The following RFTN2 variants were observed in gnomAD, a reference collection of about 807,000 sequenced individuals.
The protein encoded by RFTN2 is raftlin-2.
A neutral mutation model predicts 52.7 loss-of-function variants in RFTN2; 34 were observed. The ratio of observed to expected loss-of-function variants is 0.64; its 90% CI spans 0.49 to 0.86. The LOEUF (loss-of-function observed/expected upper bound fraction) is 0.86. Ranked by LOEUF, RFTN2 falls within the 40% of genes least tolerant of loss-of-function variation. RFTN2 has a pLI of 0.00. For synonymous variants in RFTN2, 203 were observed against 217.7 expected (o/e 0.93, Z 0.59); for missense variants, 536 against 600.1 (o/e 0.89, Z 1.12).
chr2:197,605,205 A>C (rs1182611846), intron 7 of RFTN2, among the ~76,000 whole-genome samples: 1 of 151,830 alleles, frequency 6.6e-6, no homozygotes, highest in Non-Finnish European at 1.5e-5. Context: ...TTTTGGAAAA[A>C]TCAGTCTTGA....
intron 8 of RFTN2, among the ~76,000 whole-genome samples, chr2:197,592,541 C>T (rs1210923816): frequency 6.6e-6 from 1 of 152,128 alleles, no homozygotes; most frequent in Non-Finnish European, 1.5e-5. Context: ...TTTCTATCAG[C>T]CCATGAAATC....
In RFTN2 at chr2:197,618,971, C is replaced by T. The variant is rs1422794642; in HGVS notation, c.929-1050G>A. On this transcript the variant is annotated intron_variant, in intron 5 of 8. Transcript: ENST00000295049. The stretch of plus-strand genomic sequence containing the variant: ...GAGGGAGGTGGGGGGGTCAGCCCCC[C>T]GCCCGGCCAGCCGCCCCATCCGGGA... Among the ~76,000 whole-genome samples, 46 of 151,484 alleles carry T rather than the reference C, an allele frequency of 3.0e-4. 1 individual carries two copies. The highest frequency in any genetic ancestry group is 7.3e-4 in the African/African-American group (30 of 41,290).
chr2:197,633,116 A>T (rs1164570869), intron 4 of RFTN2, among the ~76,000 whole-genome samples: 2 of 152,188 alleles, frequency 1.3e-5, no homozygotes, highest in Non-Finnish European at 2.9e-5. Flanking sequence ...GAAAACTTTG[A>T]ATGGTCCCAA....
Position 197,610,452 on chromosome 2 carries a change from A to G in RFTN2, c.1154+5424T>C, listed in dbSNP as rs180942715. Among the ~76,000 whole-genome samples the G allele has an allele frequency of 4.7e-4, 71 of 152,304 alleles. 2 individuals are homozygous for G. The South Asian group carries it at 8.3e-3, about 18-fold the overall frequency. Reference sequence around the variant, plus strand: ...GTATAGGAATGCTTGTTATTTTTGCACATTGATTTTGTATCCTGAGACTTT... The same window carrying G: ...GTATAGGAATGCTTGTTATTTTTGCGCATTGATTTTGTATCCTGAGACTTT... On this transcript the variant is annotated intron_variant, in intron 7 of 8. Transcript: ENST00000295049.
At chr2:197,601,482 G>A (rs1444472268) in intron 7 of RFTN2, among the ~76,000 whole-genome samples, 4 of 152,078 alleles carry the variant, frequency 2.6e-5, no homozygotes, top group Non-Finnish European at 4.4e-5. Flanking sequence ...TTTATGGATA[G>A]GGAAATTGAG....
In RFTN2 at chr2:197,571,705, G is replaced by C. The variant is rs567429541; in HGVS notation, c.*303C>G. 1 of 327,784 alleles carries C rather than the reference G, an allele frequency of 3.1e-6. No homozygotes were observed. Among genetic ancestry groups the C allele is most frequent in the South Asian group, 4.6e-5 (1 of 21,706 alleles). 20.3% of individuals were successfully genotyped at this position (327,784 alleles called of 1,614,324 possible). ...TCAGTCTCCTTACCAGGAATTGTAA[G>C]AAAGTCTACTTTGTACATTCATGAG... is the stretch of plus-strand genomic sequence containing the variant. On this transcript the variant is annotated 3_prime_UTR_variant, in exon 9 of 9. Coordinates refer to ENST00000295049, the MANE Select transcript of RFTN2 (RefSeq NM_144629.3).
intron 3 of RFTN2, among the ~76,000 whole-genome samples, chr2:197,634,753 T>C (rs1033941109): frequency 9.9e-5 from 15 of 151,784 alleles, no homozygotes; most frequent in African/African-American, 3.6e-4. Flanking sequence ...ATTTTTATTA[T>C]ACTTTAAGTT....
rs567125379 is a variant in RFTN2, at chr2:197,596,005, C to A, written c.1219G>T (p.Ala407Ser). ...ATTTTACTCACATCTGGTGTTTGAGCAGCTGAATTCCACATAACTGGCCTC... is the reference window on the plus strand; with the variant it reads ...ATTTTACTCACATCTGGTGTTTGAGAAGCTGAATTCCACATAACTGGCCTC... ...LQRPVMWNSA[A>S]QTPDKKASRH... Residue 407 changes from alanine to serine, a missense_variant, in exon 8 of 9, where the codon GCT becomes TCT. Ala to Ser is a moderately conservative substitution (Grantham distance 99). Coordinates refer to ENST00000295049, the MANE Select transcript of RFTN2 (RefSeq NM_144629.3). The A allele has an allele frequency of 6.2e-7, 1 of 1,608,474 alleles. No individual in the cohort carries two copies. The highest frequency in any genetic ancestry group is 2.2e-5 in the East Asian group (1 of 44,816).
At chr2:197,656,677 C>T (rs1185118856) in intron 1 of RFTN2, among the ~76,000 whole-genome samples, 1 of 152,132 alleles carries the variant, frequency 6.6e-6, no homozygotes, top group Non-Finnish European at 1.5e-5. Context: ...AAAATATGGC[C>T]TCGTTCCCAA....
At chr2:197,574,744 T>C (rs2087384120) in intron 8 of RFTN2, among the ~76,000 whole-genome samples, 1 of 152,138 alleles carries the variant, frequency 6.6e-6, no homozygotes, top group South Asian at 2.1e-4. Flanking sequence ...GGCACACGCC[T>C]GTAATCCCAG....
At chr2:197,671,442 T>C (rs1348541370) in intron 1 of RFTN2, among the ~76,000 whole-genome samples, 1 of 152,258 alleles carries the variant, frequency 6.6e-6, no homozygotes, top group Non-Finnish European at 1.5e-5. Context: ...TAATTTTTTG[T>C]TCATTCACTC....
chr2:197,615,256 T>C (rs1232413834), intron 7 of RFTN2, among the ~76,000 whole-genome samples: 1 of 152,262 alleles, frequency 6.6e-6, no homozygotes, highest in Non-Finnish European at 1.5e-5. Context: ...GGTACTGTGC[T>C]GTCCTCTGCA....
At position 197,615,995 on chromosome 2, in the gene RFTN2, T is replaced by A; in HGVS notation, c.1051-16A>T. 1.4e-6 allele frequency: 2 copies of A among 1,450,830 alleles called. No homozygotes were observed. The highest frequency in any genetic ancestry group is 1.9e-6 in the Non-Finnish European group (2 of 1,055,390). 89.9% of individuals were successfully genotyped at this position (1,450,830 alleles called of 1,614,324 possible). A position where few individuals can be genotyped will look rare whatever the true frequency, so the allele number is the denominator to read the frequency against. ...TTTCACATCCCTGCATGAATAAGTATAAGAGCTCATAGTCTAATGGCAAAG... is the reference window on the plus strand; with the variant it reads ...TTTCACATCCCTGCATGAATAAGTAAAAGAGCTCATAGTCTAATGGCAAAG... On this transcript the variant is annotated splice_polypyrimidine_tract_variant and intron_variant, in intron 6 of 8. Transcript: ENST00000295049.
rs769049677 is a variant in RFTN2, at chr2:197,638,778, CATT to C, written c.439-4784_439-4782del. Among the ~76,000 whole-genome samples, 373 of 115,606 alleles carry C rather than the reference CATT, an allele frequency of 3.2e-3. 2 individuals carry two copies. Among genetic ancestry groups the C allele is most frequent in the Middle Eastern group, 0.011 (2 of 180 alleles). 75.8% of individuals were successfully genotyped at this position (115,606 alleles called of 152,430 possible). On this transcript the variant is annotated intron_variant, in intron 3 of 8. Transcript: ENST00000295049. ...TTGTTATGTGTGAATTTGATCCTGT[CATT>C]ATGATGTTAGCTGGTTATTTTGCTC... is the stretch of plus-strand genomic sequence containing the variant.
chr2:197,625,111 A>G (rs2088332839), intron 5 of RFTN2, among the ~76,000 whole-genome samples: 1 of 152,140 alleles, frequency 6.6e-6, no homozygotes, highest in South Asian at 2.1e-4. Context: ...TGGCCTCCCA[A>G]AGTACTGGGA....
intron 5 of RFTN2, among the ~76,000 whole-genome samples, chr2:197,619,562 A>G (rs954919500): frequency 6.1e-5 from 9 of 147,740 alleles, no homozygotes; most frequent in East Asian, 2.0e-4. Flanking sequence ...CTTAAGAGTC[A>G]TCACCACTCC....
At chr2:197,590,838 G>C (rs774995679) in intron 8 of RFTN2, among the ~76,000 whole-genome samples, 1 of 152,166 alleles carries the variant, frequency 6.6e-6, no homozygotes, top group African/African-American at 2.4e-5. Flanking sequence ...GCAGACCTTC[G>C]CAGTAAGTGC....
intron 1 of RFTN2, among the ~76,000 whole-genome samples, chr2:197,666,812 T>G (rs2089069505): frequency 6.6e-6 from 1 of 152,230 alleles, no homozygotes; most frequent in Admixed American, 6.5e-5. Context: ...GAAAACTTTG[T>G]TCATCCTTTT....
intron 4 of RFTN2, among the ~76,000 whole-genome samples, chr2:197,631,732 T>C (rs1376641338): frequency 2.0e-5 from 3 of 152,190 alleles, no homozygotes; most frequent in African/African-American, 7.2e-5. Context: ...TATTACCAAC[T>C]TTGTATCTCT....
Sources: allele counts gnomAD v4.1 joint callset (sites outside exome capture counted in the v4.1 genomes callset), GRCh38; gene constraint gnomAD v4.1.1; transcripts MANE v1.5; gene names NCBI Gene and HGNC (gene_info 2026-07-23, HGNC 2026-07-21).